Variants in SGCD observed in about 807,000 individuals in gnomAD.
The protein encoded by SGCD is delta-sarcoglycan.
SGCD carries 18 observed loss-of-function variants against 36.6 expected under a neutral mutation model. The observed-to-expected ratio is 0.49, with a 90% CI of 0.34 to 0.73. The LOEUF is 0.73. Ranked by LOEUF, SGCD falls within the 30% of genes least tolerant of loss-of-function variation. The pLI is 0.01. For missense variants in SGCD, 387 were observed against 346.7 expected (o/e 1.12, Z -0.92); for synonymous variants, 133 against 130.6 (o/e 1.02, Z -0.12).
chr5:155,732,888 C>G, the SGCD span, among the ~76,000 whole-genome samples: 1 of 152,054 alleles, frequency 6.6e-6, no homozygotes, highest in Non-Finnish European at 1.5e-5. Context: ...AATAGAAATA[C>G]AAAAAGTAGT....
chr5:155,747,954 A>G, the SGCD span, among the ~76,000 whole-genome samples: 1 of 152,186 alleles, frequency 6.6e-6, no homozygotes, highest in Admixed American at 6.5e-5. Flanking sequence ...ATTTCAGAAA[A>G]GGCAAATCTG....
At chr5:156,494,522 T>C (rs1383929805) in intron 3 of SGCD, among the ~76,000 whole-genome samples, 1 of 152,122 alleles carries the variant, frequency 6.6e-6, no homozygotes, top group African/African-American at 2.4e-5. Flanking sequence ...AGTTCTTTAC[T>C]AGAAAGTTAT....
chr5:156,719,016 G>A (rs1281947835), intron 7 of SGCD, among the ~76,000 whole-genome samples: 1 of 151,990 alleles, frequency 6.6e-6, no homozygotes, highest in Non-Finnish European at 1.5e-5. Context: ...CAGCCCCAGG[G>A]CCACTTTATT....
rs529692268 is a variant in SGCD at position 156,741,874 on chromosome 5, T to A, written c.576-15707T>A. 9.4e-5 allele frequency among the ~76,000 whole-genome samples: 14 copies of A among 149,480 alleles called. No homozygotes were observed. In the East Asian group the frequency reaches 2.4e-3, roughly 25 times the overall value. On this transcript the variant is annotated intron_variant, in intron 7 of 8. Coordinates refer to ENST00000337851, the MANE Select transcript of SGCD (RefSeq NM_000337.6). The stretch of plus-strand genomic sequence containing the variant: ...ATGGAATCCAATTATGTTTTCAGGT[T>A]TTTTTTTTTTTCTTTTTTTGAGACA...
At chr5:155,947,694 A>C (rs1757467373) in intron 1 of SGCD, among the ~76,000 whole-genome samples, 1 of 152,138 alleles carries the variant, frequency 6.6e-6, no homozygotes, top group African/African-American at 2.4e-5. Context: ...TAAGTTAAAG[A>C]ACAAGCATGG....
chr5:156,565,467 T>C (rs1759439611), intron 4 of SGCD, among the ~76,000 whole-genome samples: 2 of 152,170 alleles, frequency 1.3e-5, no homozygotes, highest in African/African-American at 4.8e-5. Context: ...CCAAATTACA[T>C]AAATCAAAGT....
intron 3 of SGCD, among the ~76,000 whole-genome samples, chr5:156,425,380 A>G (rs1242749428): frequency 1.3e-5 from 2 of 152,210 alleles, no homozygotes; most frequent in African/African-American, 4.8e-5. Context: ...ATTATTAGCA[A>G]TTAAACACAC....
At chr5:156,109,418 G>A (rs1359594832) in intron 1 of SGCD, among the ~76,000 whole-genome samples, 1 of 151,982 alleles carries the variant, frequency 6.6e-6, no homozygotes, top group Non-Finnish European at 1.5e-5. Context: ...AGCCATTTGA[G>A]CTAGAAGTCT....
intron 3 of SGCD, among the ~76,000 whole-genome samples, chr5:156,161,281 A>G (rs952153665): frequency 6.6e-6 from 1 of 151,804 alleles, no homozygotes; most frequent in African/African-American, 2.4e-5. Context: ...GGAGAACAAG[A>G]AAAGCTTTAT....
At chr5:156,217,657 T>C (rs1421051064) in intron 3 of SGCD, among the ~76,000 whole-genome samples, 1 of 152,190 alleles carries the variant, frequency 6.6e-6, no homozygotes, top group Non-Finnish European at 1.5e-5. Context: ...ACTTAAACTT[T>C]TGAACTCTAC....
At chr5:156,539,837 T>C (rs916719297) in intron 4 of SGCD, among the ~76,000 whole-genome samples, 2 of 152,132 alleles carry the variant, frequency 1.3e-5, no homozygotes. Context: ...ATATTCTTTA[T>C]CTGAATGGCA....
chr5:156,363,245 T>C (rs576205693), intron 3 of SGCD, among the ~76,000 whole-genome samples: 6 of 152,326 alleles, frequency 3.9e-5, no homozygotes, highest in Admixed American at 1.3e-4. Flanking sequence ...ATGTCAGATT[T>C]CAGTTTATCT....
chr5:156,103,183 A>T (rs114691500), intron 1 of SGCD, among the ~76,000 whole-genome samples: 207 of 152,290 alleles, frequency 1.4e-3, no homozygotes, highest in African/African-American at 4.4e-3. Flanking sequence ...CCAGATTCCC[A>T]TGATATCAGA....
the SGCD span, among the ~76,000 whole-genome samples, chr5:155,779,301 G>A: frequency 6.6e-6 from 1 of 152,080 alleles, no homozygotes; most frequent in African/African-American, 2.4e-5. Context: ...AGCCATGTGT[G>A]ATGGTGCATT....
At chr5:155,919,114 G>A (rs1756817034) in intron 1 of SGCD, among the ~76,000 whole-genome samples, 1 of 152,204 alleles carries the variant, frequency 6.6e-6, no homozygotes, top group African/African-American at 2.4e-5. Context: ...GCACTGAATT[G>A]ACAGGCATCG....
the SGCD span, among the ~76,000 whole-genome samples, chr5:155,824,920 T>C: frequency 3.9e-5 from 6 of 152,210 alleles, no homozygotes; most frequent in African/African-American, 1.4e-4. Context: ...ACTTGCTATA[T>C]AAATTAAAAA....
At chr5:156,025,123 G>A (rs1427343553) in intron 1 of SGCD, among the ~76,000 whole-genome samples, 2 of 152,244 alleles carry the variant, frequency 1.3e-5, no homozygotes, top group South Asian at 2.1e-4. Context: ...GGTAGTGGGA[G>A]GACTTTCCAG....
chr5:156,708,805 C>T (rs1754855396), intron 7 of SGCD, among the ~76,000 whole-genome samples: 1 of 152,058 alleles, frequency 6.6e-6, no homozygotes, highest in South Asian at 2.1e-4. Context: ...CAGTCAGATC[C>T]AGAGGTTTAT....
chr5:156,252,172 ATTC>A (rs1266737213), intron 3 of SGCD, among the ~76,000 whole-genome samples: 3 of 151,320 alleles, frequency 2.0e-5, no homozygotes, highest in African/African-American at 7.3e-5. Context: ...GGTTCAAGCC[ATTC>A]TTCTGCCTCA....
Sources: gnomAD v4.1 joint callset for allele counts (sites outside exome capture counted in the v4.1 genomes callset) on GRCh38, gnomAD v4.1.1 for gene constraint, MANE v1.5 for transcripts, NCBI Gene and HGNC (gene_info 2026-07-23, HGNC 2026-07-21) for gene names.